Variants in PTPRO observed in about 807,000 individuals in gnomAD.
PTPRO encodes the protein receptor-type tyrosine-protein phosphatase O.
In PTPRO, 62 loss-of-function variants were observed where a neutral mutation model predicts 145.2. The observed-to-expected ratio is 0.43, with a 90% confidence interval of 0.35 to 0.53. PTPRO has a LOEUF of 0.53. Among genes scored for constraint, PTPRO ranks in the 20% least tolerant of loss-of-function variants. The pLI is 0.01. For synonymous variants in PTPRO, 565 were observed against 514.7 expected (o/e 1.10, Z -1.32); for missense variants, 1,345 against 1,482.7 (o/e 0.91, Z 1.53).
chr12:15,413,529 T>C lies in PTPRO; in HGVS notation c.76-70445T>C, dbSNP rs371490700. Reference sequence around the variant, plus strand: ...AAAGATTTTAAGATATTTTAAAAGATGGAGGCCAGGCACGGTGGCTCACTC... The same window carrying C: ...AAAGATTTTAAGATATTTTAAAAGACGGAGGCCAGGCACGGTGGCTCACTC... On this transcript the variant is annotated intron_variant, in intron 1 of 26. Coordinates refer to ENST00000281171, the MANE Select transcript of PTPRO (RefSeq NM_030667.3). Among the ~76,000 whole-genome samples, 22 of 152,282 alleles carry C rather than the reference T, an allele frequency of 1.4e-4. No individual in the cohort carries two copies. The East Asian group carries it at 3.5e-3, about 24-fold the overall frequency.
At chr12:15,437,923 A>G (rs1275080072) in intron 1 of PTPRO, among the ~76,000 whole-genome samples, 1 of 152,138 alleles carries the variant, frequency 6.6e-6, no homozygotes, top group African/African-American at 2.4e-5. Context: ...CTGAGCAGGG[A>G]CCTCAGACCA....
intron 12 of PTPRO, among the ~76,000 whole-genome samples, chr12:15,533,518 T>C (rs754117900): frequency 1.3e-5 from 2 of 152,214 alleles, no homozygotes; most frequent in Non-Finnish European, 2.9e-5. Flanking sequence ...ACAGATACTG[T>C]TGAATGAATT....
intron 19 of PTPRO, among the ~76,000 whole-genome samples, chr12:15,569,941 G>A (rs1192722324): frequency 4.6e-5 from 7 of 152,160 alleles, no homozygotes; most frequent in African/African-American, 1.7e-4. Context: ...ACATCCTGGA[G>A]TAGGGCTTTT....
intron 1 of PTPRO, among the ~76,000 whole-genome samples, chr12:15,459,619 C>A (rs1370236334): frequency 6.6e-6 from 1 of 152,132 alleles, no homozygotes; most frequent in African/African-American, 2.4e-5. Flanking sequence ...AAGGAGTTGA[C>A]CTGTGTATTG....
chr12:15,513,108 A>AAAGGAAGG (rs368163582), intron 7 of PTPRO, among the ~76,000 whole-genome samples: 1 of 50,886 alleles, frequency 2.0e-5, no homozygotes, highest in African/African-American at 8.3e-5. Flanking sequence ...AGAAAGAAAG[A>AAAGGAAGG]AAGGAAGGAA....
intron 1 of PTPRO, among the ~76,000 whole-genome samples, chr12:15,330,707 A>T (rs1221673420): frequency 6.6e-6 from 1 of 152,178 alleles, no homozygotes; most frequent in Non-Finnish European, 1.5e-5. Flanking sequence ...TACAAGGCTG[A>T]TGTTCTGGCC....
chr12:15,546,687 C>T lies in PTPRO; in HGVS notation c.2283C>T (p.Ser761=), dbSNP rs1321318547. The part of the protein sequence containing the change: ...FFEVFCQQVG[S]SQKTKLQEPV... Reference sequence around the variant, plus strand: ...AAGTTTTCTGTCAACAAGTTGGCTCCAGTCAGAAAACCAAACTTCAGGTAC... The same window carrying T: ...AAGTTTTCTGTCAACAAGTTGGCTCTAGTCAGAAAACCAAACTTCAGGTAC... The change falls in exon 13 of 27, where the codon TCC becomes TCT. Residue 761 remains serine (S), a synonymous_variant. Coordinates refer to ENST00000281171, the MANE Select transcript of PTPRO (RefSeq NM_030667.3). 2 of 1,613,988 alleles carry T rather than the reference C, an allele frequency of 1.2e-6. No homozygotes were observed. Among genetic ancestry groups the T allele is most frequent in the East Asian group, 4.5e-5 (2 of 44,836 alleles).
Position 15,322,680 on chromosome 12 carries a change from G to A in PTPRO, c.-47G>A, listed in dbSNP as rs759448037. ...TTCGCCATTGTGAGCCGCCGCCGGGGGAGTCCGCTAGCGCAGCCGTGCCCC... is the reference window on the plus strand; with the variant it reads ...TTCGCCATTGTGAGCCGCCGCCGGGAGAGTCCGCTAGCGCAGCCGTGCCCC... On this transcript the variant is annotated 5_prime_UTR_variant, in exon 1 of 27. Transcript: ENST00000281171. This position sits in a 1 kb window ranked among gnomAD's most constrained non-coding sequence, Gnocchi z 6.3. 1.3e-6 allele frequency: 2 copies of A among 1,537,464 alleles called. No homozygotes were observed. Among genetic ancestry groups the A allele is most frequent in the Non-Finnish European group, 8.9e-7 (1 of 1,123,972 alleles).
chr12:15,578,991 G>T (rs561678237), intron 20 of PTPRO, 48 bp downstream of exon 20: 1 of 1,451,346 alleles, frequency 6.9e-7, no homozygotes, highest in Non-Finnish European at 9.7e-7. Flanking sequence ...AAGGGTTGAA[G>T]GACTGTCATT....
Position 15,580,715 on chromosome 12 carries a change from G to A in PTPRO, c.3016G>A (p.Glu1006Lys). 3.1e-6 allele frequency: 5 copies of A among 1,614,080 alleles called. No homozygotes were observed. The highest frequency in any genetic ancestry group is 4.2e-6 in the Non-Finnish European group (5 of 1,179,982). The change falls in exon 22 of 27, where the codon GAG becomes AAG. Residue 1006 changes from glutamate to lysine, a missense_variant. By Grantham distance (56) the Glu-to-Lys change is moderately conservative. This residue lies in a region of PTPRO where 1,130 missense variants were observed against 1,214.7 expected (regional missense o/e 0.93). Coordinates refer to ENST00000281171, the MANE Select transcript of PTPRO (RefSeq NM_030667.3). ...NYIPGYNSPQEYIATQGPLPE... is the reference protein window; with the variant it reads ...NYIPGYNSPQKYIATQGPLPE... ...CTTTCAGGGATACAACTCACCCCAGGAGTATATTGCCACCCAGGGGCCACT... is the reference window on the plus strand; with the variant it reads ...CTTTCAGGGATACAACTCACCCCAGAAGTATATTGCCACCCAGGGGCCACT...
chr12:15,443,989 T>C (rs1376520058), intron 1 of PTPRO, among the ~76,000 whole-genome samples: 2 of 128,440 alleles, frequency 1.6e-5, no homozygotes, highest in African/African-American at 5.9e-5. Context: ...TTAATGAGTA[T>C]ATATCAAAAA....
At chr12:15,565,532 A>T in intron 17 of PTPRO, 61 bp from the exon 18 acceptor site, 1 of 1,135,412 alleles carries the variant, frequency 8.8e-7, no homozygotes, top group Non-Finnish European at 1.3e-6. Flanking sequence ...TTCAAGTTTA[A>T]TTATTATGTT....
At chr12:15,508,885 C>T (rs1325453156) in intron 7 of PTPRO, 118 bp downstream of exon 7, 1 of 1,032,992 alleles carries the variant, frequency 9.7e-7, no homozygotes, top group African/African-American at 1.6e-5. Flanking sequence ...TGGGTGTGTT[C>T]TGTGACTGTT....
At chr12:15,551,696 T>C (rs1943465206) in intron 15 of PTPRO, 25 bp downstream of exon 15, 3 of 1,608,850 alleles carry the variant, frequency 1.9e-6, no homozygotes, top group African/African-American at 2.7e-5. Flanking sequence ...ACTAATATTT[T>C]ATCCGGAATC....
At chr12:15,487,224 T>C (rs1565658827) in intron 2 of PTPRO, among the ~76,000 whole-genome samples, 1 of 152,046 alleles carries the variant, frequency 6.6e-6, no homozygotes, top group Non-Finnish European at 1.5e-5. Flanking sequence ...ATTCTTGACA[T>C]TTTTACCCCT....
At chr12:15,325,910 CT>C (rs1473999319) in intron 1 of PTPRO, among the ~76,000 whole-genome samples, 2 of 152,136 alleles carry the variant, frequency 1.3e-5, no homozygotes, top group Non-Finnish European at 2.9e-5. Flanking sequence ...TTTTTAACCC[CT>C]TCTCTCTATT....
intron 1 of PTPRO, among the ~76,000 whole-genome samples, chr12:15,463,117 G>A (rs910928780): frequency 1.3e-5 from 2 of 152,092 alleles, no homozygotes; most frequent in African/African-American, 4.8e-5. Context: ...TAATGGGAAA[G>A]GCTTGAGAGA....
chr12:15,392,329 A>C (rs1297483715), intron 1 of PTPRO, among the ~76,000 whole-genome samples: 2 of 152,208 alleles, frequency 1.3e-5, no homozygotes. Context: ...CCTGCCACCA[A>C]CTGGCTATAG....
chr12:15,360,879 CACAT>C (rs1459744342), intron 1 of PTPRO, among the ~76,000 whole-genome samples: 5 of 98,256 alleles, frequency 5.1e-5, no homozygotes, highest in Non-Finnish European at 1.2e-4. Flanking sequence ...TGTATATACA[CACAT>C]ACACATGTGT....
Sources: gnomAD v4.1 joint callset for allele counts (sites outside exome capture counted in the v4.1 genomes callset) on GRCh38, gnomAD v4.1.1 for gene constraint, gnomAD v4.1.1 regional missense constraint, Gnocchi (gnomAD v3.1) non-coding constraint, MANE v1.5 for transcripts, NCBI Gene and HGNC (gene_info 2026-07-23, HGNC 2026-07-21) for gene names.